The following KRT23 variants were observed in gnomAD, a reference collection of about 807,000 sequenced individuals.
The protein encoded by KRT23 is keratin, type I cytoskeletal 23.
Under a neutral mutation model 47.6 loss-of-function variants are expected in KRT23, and 38 were observed. That is an observed-to-expected ratio of 0.80 (90% confidence interval 0.62 to 1.05). The LOEUF (loss-of-function observed/expected upper bound fraction) is 1.05, where lower values mean the gene tolerates loss of function less well. Ranked by LOEUF, KRT23 falls within the 50% of genes least tolerant of loss-of-function variation. The probability of loss-of-function intolerance (pLI) is 0.00; values close to 1 mark genes in which losing one functional copy is unlikely to be tolerated. For missense variants in KRT23, 503 were observed against 529.5 expected, an observed-to-expected ratio of 0.95 and a Z score of 0.49; for synonymous variants, 191 against 199.0, an observed-to-expected ratio of 0.96 and a Z score of 0.34.
chr17:40,935,451 C>T (rs1325142325), intron 2 of KRT23, among the ~76,000 whole-genome samples: 2 of 152,020 alleles, frequency 1.3e-5, no homozygotes, highest in African/African-American at 4.8e-5. Flanking sequence ...ATGAGACATC[C>T]CAGAAGGTAT....
chr17:40,925,043 C>G, intron 7 of KRT23: 1 of 398,268 alleles, frequency 2.5e-6, no homozygotes, highest in Non-Finnish European at 4.5e-6. Flanking sequence ...TTCCCCCTGC[C>G]TTCTTTTTTT....
intron 4 of KRT23, 172 bp from the exon 5 acceptor site, chr17:40,928,779 G>T: frequency 1.8e-6 from 1 of 570,360 alleles, no homozygotes; most frequent in Non-Finnish European, 3.0e-6. Context: ...ATAAAACATT[G>T]TATACTTTTT....
intron 2 of KRT23, among the ~76,000 whole-genome samples, chr17:40,934,331 A>C (rs1909899686): frequency 6.6e-6 from 1 of 152,208 alleles, no homozygotes; most frequent in Non-Finnish European, 1.5e-5. Flanking sequence ...AAAATCCAGA[A>C]AAGAGTGAAA....
In KRT23 at chr17:40,936,549, C is replaced by G. The variant is rs758942765; in HGVS notation, c.55G>C (p.Gly19Arg). The G allele has an allele frequency of 6.6e-7, 1 of 1,520,882 alleles. No individual in the cohort carries two copies. The highest frequency in any genetic ancestry group is 8.8e-7 in the Non-Finnish European group (1 of 1,137,552). 94.2% of individuals were successfully genotyped at this position (1,520,882 alleles called of 1,614,324 possible). A position where few individuals can be genotyped will look rare whatever the true frequency, so the allele number is the denominator to read the frequency against. ...QTPSASFHGAGGGWGRPRSFP... is the reference protein window; with the variant it reads ...QTPSASFHGARGGWGRPRSFP... ...CTCCTGGGCCGGCCCCAGCCACCTCCGGCGCCATGGAAGGAGGCCGAGGGG... is the reference window on the plus strand; with the variant it reads ...CTCCTGGGCCGGCCCCAGCCACCTCGGGCGCCATGGAAGGAGGCCGAGGGG... Residue 19 changes from glycine (G) to arginine (R), a missense_variant, in exon 2 of 9, where the codon GGA becomes CGA. Transcript: ENST00000209718.
intron 3 of KRT23, among the ~76,000 whole-genome samples, chr17:40,930,494 G>A (rs971796112): frequency 3.3e-5 from 5 of 152,094 alleles, no homozygotes; most frequent in African/African-American, 4.8e-5. Context: ...GGCCGGGCAC[G>A]GTGGCTCACA....
Position 40,936,911 on chromosome 17 carries a change from A to T in KRT23, c.-308T>A, listed in dbSNP as rs1316890478. The T allele has an allele frequency of 3.0e-6, 1 of 337,616 alleles. No homozygotes were observed. Among genetic ancestry groups the T allele is most frequent in the Non-Finnish European group, 5.3e-6 (1 of 187,810 alleles). 20.9% of individuals were successfully genotyped at this position (337,616 alleles called of 1,614,324 possible). A position where few individuals can be genotyped will look rare whatever the true frequency, so the allele number is the denominator to read the frequency against. ...CATCAGGCGGGTATTGGGCTCAGGT[A>T]TCTTTCTAATCTTGCCGTGAAGTTT... On this transcript the variant is annotated 5_prime_UTR_variant, in exon 2 of 9. Coordinates refer to ENST00000209718, the MANE Select transcript of KRT23 (RefSeq NM_015515.5).
Position 40,936,243 on chromosome 17 carries a change from G to A in KRT23, c.361C>T (p.Gln121Ter). The part of the protein sequence containing the change: ...RDPGSKKDYS[Q>*]YEENITHLQE... ...AGGTGTGTGATGTTTTCCTCATACT[G>A]GGAATAATCTTTCTTACTGCCAGGA... The change falls in exon 2 of 9, where the codon CAG (glutamine) becomes TAG (stop). Residue 121 changes from glutamine (Q) to a stop codon, truncating the protein, a stop_gained. Coordinates refer to ENST00000209718, the MANE Select transcript of KRT23 (RefSeq NM_015515.5). LOFTEE classifies it high-confidence loss of function. 1 of 1,614,188 alleles carries A rather than the reference G, an allele frequency of 6.2e-7. No individual in the cohort carries two copies. Among genetic ancestry groups the A allele is most frequent in the Non-Finnish European group, 8.5e-7 (1 of 1,180,030 alleles).
chr17:40,924,645 G>C (rs1016206717), intron 7 of KRT23, 142 bp from the exon 8 acceptor site: 1 of 682,916 alleles, frequency 1.5e-6, no homozygotes, highest in African/African-American at 1.8e-5. Context: ...GTAGTCTCAA[G>C]GTCATGGGTT....
Position 40,922,802 on chromosome 17 carries a change from A to T in KRT23, c.*187T>A. On this transcript the variant is annotated 3_prime_UTR_variant, in exon 9 of 9. Coordinates refer to ENST00000209718, the MANE Select transcript of KRT23 (RefSeq NM_015515.5). ...TTTACCCTCATAAACTCGCACTTTG[A>T]TTAGAAAAGTGCAATATATTAAGAG... 1 of 508,144 alleles carries T rather than the reference A, an allele frequency of 2.0e-6. No individual in the cohort carries two copies. Among genetic ancestry groups the T allele is most frequent in the Non-Finnish European group, 3.5e-6 (1 of 287,686 alleles). The allele number at this position is 508,144 out of a possible 1,614,324, so 31.5% of individuals were successfully genotyped here.
chr17:40,930,432 A>G (rs1909577821), intron 3 of KRT23, among the ~76,000 whole-genome samples: 1 of 152,186 alleles, frequency 6.6e-6, no homozygotes, highest in South Asian at 2.1e-4. Flanking sequence ...ACATTTTAAG[A>G]CTAAATACTT....
At position 40,922,946 on chromosome 17, in the gene KRT23, G is replaced by C. The variant is rs762669648; in HGVS notation, c.*43C>G. 5 of 1,424,916 alleles carry C rather than the reference G, an allele frequency of 3.5e-6. No homozygotes were observed. In the African/African-American group the frequency reaches 5.6e-5, roughly 16 times the overall value. The allele number at this position is 1,424,916 out of a possible 1,614,324, so 88.3% of individuals were successfully genotyped here. ...TGGTGTCTGTGCAAGGACTTTCCTT[G>C]GGGGAAAATAGATTTTACAACAGGC... On this transcript the variant is annotated 3_prime_UTR_variant, in exon 9 of 9. Transcript: ENST00000209718.
intron 2 of KRT23, among the ~76,000 whole-genome samples, chr17:40,934,896 T>C (rs1271868089): frequency 6.6e-6 from 1 of 152,230 alleles, no homozygotes; most frequent in Admixed American, 6.5e-5. Flanking sequence ...ACATAATAAG[T>C]GCTCAGTAAA....
rs201868895 is a variant in KRT23 at position 40,936,239 on chromosome 17, T to C, written c.365A>G (p.Tyr122Cys). 6.2e-7 allele frequency: 1 copy of C among 1,614,226 alleles called. No homozygotes were observed. The highest frequency in any genetic ancestry group is 2.2e-5 in the East Asian group (1 of 44,882). Reference sequence around the variant, plus strand: ...CTGCAGGTGTGTGATGTTTTCCTCATACTGGGAATAATCTTTCTTACTGCC... The same window carrying C: ...CTGCAGGTGTGTGATGTTTTCCTCACACTGGGAATAATCTTTCTTACTGCC... ...DPGSKKDYSQ[Y>C]EENITHLQEQ... Residue 122 changes from tyrosine (Y) to cysteine (C), a missense_variant, in exon 2 of 9, where the codon TAT (tyrosine) becomes TGT (cysteine). Physicochemically the swap from Tyr to Cys is radical, Grantham distance 194. Transcript: ENST00000209718.
At position 40,936,880 on chromosome 17, in the gene KRT23, C is replaced by T. The variant is rs1334178228; in HGVS notation, c.-277G>A. ...TCCCCTGGTAACCCGGAGGTGTGGC[C>T]CACGACATCAGGCGGGTATTGGGCT... On this transcript the variant is annotated 5_prime_UTR_variant, in exon 2 of 9. The change creates a premature stop within an existing upstream ORF in the 5' untranslated region. Coordinates refer to ENST00000209718, the MANE Select transcript of KRT23 (RefSeq NM_015515.5). 1 of 380,470 alleles carries T rather than the reference C, an allele frequency of 2.6e-6. No homozygotes were observed. The highest frequency in any genetic ancestry group is 4.7e-6 in the Non-Finnish European group (1 of 215,030). The allele number at this position is 380,470 out of a possible 1,614,324, so 23.6% of individuals were successfully genotyped here.
chr17:40,928,412 CA>C (rs758853626), intron 5 of KRT23, 33 bp downstream of exon 5: 1 of 1,614,092 alleles, frequency 6.2e-7, no homozygotes, highest in East Asian at 2.2e-5. Flanking sequence ...CATGGAAATG[CA>C]ACCTTTGGGA....
Position 40,937,428 on chromosome 17 carries a change from TG to T in KRT23, c.-434del. On this transcript the variant is annotated 5_prime_UTR_variant, in exon 1 of 9. It removes the in-frame stop codon of an upstream open reading frame in the 5' UTR. Coordinates refer to ENST00000209718, the MANE Select transcript of KRT23 (RefSeq NM_015515.5). ...CTGCGCTCAGGATTTCCCTTGGCCC[TG>T]GGGGAGGAATGTAGCCGTTGTTAGC... The T allele has an allele frequency of 6.6e-6, 1 of 152,360 alleles. No homozygotes were observed. Among genetic ancestry groups the T allele is most frequent in the Non-Finnish European group, 1.5e-5 (1 of 68,122 alleles). The allele number at this position is 152,360 out of a possible 1,614,324, so 9.4% of individuals were successfully genotyped here.
chr17:40,928,852 C>T (rs1909422803), intron 4 of KRT23, among the ~76,000 whole-genome samples: 1 of 151,136 alleles, frequency 6.6e-6, no homozygotes, highest in Non-Finnish European at 1.5e-5. Flanking sequence ...ATGGAGAAAC[C>T]CTGTCTCTAC....
chr17:40,926,312 C>A (rs1003521849), intron 6 of KRT23, among the ~76,000 whole-genome samples: 1 of 152,156 alleles, frequency 6.6e-6, no homozygotes, highest in African/African-American at 2.4e-5. Context: ...CTCCCTTTAT[C>A]GTGGCTGCTA....
At chr17:40,930,174 G>C in intron 3 of KRT23, 78 bp from the exon 4 acceptor site, 1 of 1,358,902 alleles carries the variant, frequency 7.4e-7, no homozygotes, top group Non-Finnish European at 1.0e-6. Flanking sequence ...TTCATTTAGA[G>C]GTGAATCTTT....
Sources: gnomAD v4.1 joint callset for allele counts (sites outside exome capture counted in the v4.1 genomes callset) on GRCh38, gnomAD v4.1.1 for gene constraint, MANE v1.5 for transcripts, NCBI Gene and HGNC (gene_info 2026-07-23, HGNC 2026-07-21) for gene names.